POLN: variants seen among roughly 807,000 people sequenced by gnomAD.
POLN encodes the protein DNA polymerase nu, also known as DNA polymerase N.
In POLN, 108 loss-of-function variants were observed where a neutral mutation model predicts 113.5. That is an observed-to-expected ratio of 0.95 (90% CI 0.81 to 1.12). The LOEUF is 1.12. POLN is among the 50% of genes most tolerant of loss of function. POLN has a pLI of 0.00. For missense variants in POLN, 1,097 were observed against 1,077.1 expected (o/e 1.02, Z -0.26); for synonymous variants, 386 against 391.5 (o/e 0.99, Z 0.17).
intron 8 of POLN, chr4:2,177,174 C>T (rs1733017863): frequency 3.0e-6 from 1 of 331,314 alleles, no homozygotes; most frequent in Non-Finnish European, 6.1e-6. Flanking sequence ...GCCTTCCACA[C>T]CCCAAAACTG....
Position 2,083,994 on chromosome 4 carries a change from G to A in POLN, c.2197+1619C>T, listed in dbSNP as rs551540958. ...TCTGCTCCAGCTGGGGCAGCCAAGT[G>A]CCCCGTGGAGAGCACTGACCCCTGA... On this transcript the variant is annotated intron_variant, in intron 21 of 25. Coordinates refer to ENST00000511885, the MANE Select transcript of POLN (RefSeq NM_181808.4). Among the ~76,000 whole-genome samples, 58 of 152,362 alleles carry A rather than the reference G, an allele frequency of 3.8e-4. 1 individual carries two copies. Among genetic ancestry groups the A allele is most frequent in the African/African-American group, 1.3e-3 (56 of 41,592 alleles).
intron 19 of POLN, among the ~76,000 whole-genome samples, chr4:2,108,998 A>AGCT (rs1196481478): frequency 6.6e-6 from 1 of 151,996 alleles, no homozygotes; most frequent in African/African-American, 2.4e-5. Flanking sequence ...CGCTAAGCAG[A>AGCT]GCTGCTGCTT....
chr4:2,111,081 T>A (rs1362779483), intron 19 of POLN, among the ~76,000 whole-genome samples: 1 of 152,170 alleles, frequency 6.6e-6, no homozygotes, highest in African/African-American at 2.4e-5. Flanking sequence ...CAAGGCTGGT[T>A]CAACATATGA....
chr4:2,199,175 C>T (rs964057991), intron 5 of POLN, among the ~76,000 whole-genome samples: 4 of 151,880 alleles, frequency 2.6e-5, no homozygotes, highest in Admixed American at 6.6e-5. Flanking sequence ...TTTTTTAAAA[C>T]GACCATTTAT....
At chr4:2,096,082 C>T (rs995588963) in intron 19 of POLN, 149 bp from the exon 20 acceptor site, 18 of 722,962 alleles carry the variant, frequency 2.5e-5, no homozygotes, top group Non-Finnish European at 4.1e-5. Flanking sequence ...GGAGACATTC[C>T]ATACCTGTGG....
intron 21 of POLN, among the ~76,000 whole-genome samples, chr4:2,082,382 G>A (rs916448858): frequency 1.3e-5 from 2 of 152,224 alleles, no homozygotes; most frequent in Admixed American, 1.3e-4. Context: ...TCTGGACTGT[G>A]TGGGATGGAG....
At chr4:2,089,514 C>A in intron 20 of POLN, 1 of 1,302,368 alleles carries the variant, frequency 7.7e-7, no homozygotes, top group Non-Finnish European at 1.1e-6. Context: ...GGGAAAACTG[C>A]AAATTATCAT....
chr4:2,203,941 C>G (rs1319471399), intron 5 of POLN, among the ~76,000 whole-genome samples: 1 of 151,582 alleles, frequency 6.6e-6, no homozygotes, highest in African/African-American at 2.4e-5. Context: ...GAAACCCCAT[C>G]TCTACTAAAT....
chr4:2,146,327 G>A (rs890057567), intron 16 of POLN, among the ~76,000 whole-genome samples: 6 of 137,378 alleles, frequency 4.4e-5, no homozygotes, highest in Admixed American at 1.5e-4. Context: ...CTAACATGAC[G>A]AAACTCCGTT....
intron 7 of POLN, among the ~76,000 whole-genome samples, chr4:2,186,464 A>G (rs1318584374): frequency 1.3e-5 from 2 of 152,184 alleles, no homozygotes; most frequent in African/African-American, 2.4e-5. Context: ...ACTGCGAGGT[A>G]TTCCCTTAGG....
chr4:2,170,405 G>A (rs1011211318), intron 13 of POLN, among the ~76,000 whole-genome samples: 11 of 152,216 alleles, frequency 7.2e-5, no homozygotes, highest in Admixed American at 4.6e-4. Context: ...TGACTGGATT[G>A]TCAAGAAATT....
At chr4:2,213,153 T>C in intron 3 of POLN, 27 bp from the exon 4 acceptor site, 2 of 1,485,356 alleles carry the variant, frequency 1.3e-6, no homozygotes, top group Non-Finnish European at 1.8e-6. Flanking sequence ...AAAAGAAACA[T>C]GGGGCATTAA....
intron 20 of POLN, chr4:2,089,355 T>C: frequency 1.4e-6 from 2 of 1,388,096 alleles, no homozygotes; most frequent in Non-Finnish European, 2.0e-6. Context: ...GACAGTGATT[T>C]GCTAATTGTG....
chr4:2,207,951 T>C (rs762396428), intron 5 of POLN, 36 bp downstream of exon 5: 5 of 1,545,792 alleles, frequency 3.2e-6, no homozygotes, highest in Non-Finnish European at 4.3e-6. Context: ...TTTTATGGTG[T>C]CAAGACAGCA....
At chr4:2,201,111 CA>C (rs894761007) in intron 5 of POLN, among the ~76,000 whole-genome samples, 1 of 151,174 alleles carries the variant, frequency 6.6e-6, no homozygotes, top group Non-Finnish European at 1.5e-5. Flanking sequence ...ACTAAAAATA[CA>C]AAAAATTAGC....
chr4:2,085,585 C>G lies in POLN; in HGVS notation c.2197+28G>C, dbSNP rs757232699. ...CCTCCCACAGAGGGTTGGCAGGGAG[C>G]AGGGAGCTCTGGTTGTGGCCAACTC... is the stretch of plus-strand genomic sequence containing the variant. On this transcript the variant is annotated intron_variant, in intron 21 of 25. Transcript: ENST00000511885. 8.1e-6 allele frequency: 13 copies of G among 1,612,292 alleles called. No individual in the cohort carries two copies. The Admixed American group carries it at 2.2e-4, about 27-fold the overall frequency.
chr4:2,073,600 C>T (rs1210406315), intron 24 of POLN, among the ~76,000 whole-genome samples: 1 of 152,236 alleles, frequency 6.6e-6, no homozygotes, highest in East Asian at 1.9e-4. Flanking sequence ...GGCTCAGAGC[C>T]CTACGAAAGG....
chr4:2,088,146 A>C (rs1167244771), intron 20 of POLN, among the ~76,000 whole-genome samples: 2 of 152,226 alleles, frequency 1.3e-5, no homozygotes, highest in East Asian at 1.9e-4. Flanking sequence ...TTTTATTATC[A>C]TTAAAAATGT....
At chr4:2,219,046 A>G (rs1734189451) in intron 3 of POLN, among the ~76,000 whole-genome samples, 1 of 152,138 alleles carries the variant, frequency 6.6e-6, no homozygotes, top group Non-Finnish European at 1.5e-5. Flanking sequence ...AGCGTCATCC[A>G]CTTGAGCTTA....
Sources: gnomAD v4.1 joint callset for allele counts (sites outside exome capture counted in the v4.1 genomes callset) on GRCh38, gnomAD v4.1.1 for gene constraint, MANE v1.5 for transcripts, NCBI Gene and HGNC (gene_info 2026-07-23, HGNC 2026-07-21) for gene names.